SEMA3A: variants seen among roughly 807,000 people sequenced by gnomAD.
SEMA3A encodes semaphorin 3A.
In SEMA3A, 29 loss-of-function variants were observed where a neutral mutation model predicts 97.9. The observed-to-expected ratio is 0.30, with a 90% CI of 0.22 to 0.40. The LOEUF is 0.40. Among genes scored for constraint, SEMA3A ranks in the 10% least tolerant of loss-of-function variants. SEMA3A has a pLI of 1.00. For synonymous variants in SEMA3A, 321 were observed against 323.7 expected, an observed-to-expected ratio of 0.99 and a Z score of 0.09; for missense variants, 763 against 951.3, an observed-to-expected ratio of 0.80 and a Z score of 2.60.
chr7:84,045,161 C>T (rs191733312), intron 6 of SEMA3A, among the ~76,000 whole-genome samples: 1 of 151,976 alleles, frequency 6.6e-6, no homozygotes, highest in African/African-American at 2.4e-5. Flanking sequence ...TAATGGAAGA[C>T]AGAAGGAATG....
chr7:84,048,841 G>A (rs984425612), intron 5 of SEMA3A, among the ~76,000 whole-genome samples: 1 of 151,864 alleles, frequency 6.6e-6, no homozygotes, highest in African/African-American at 2.4e-5. Context: ...CCATAATTAT[G>A]ATGTTTATTA....
chr7:84,341,744 ACTGCTTTCTGTTAAAGTGATTTTTAAAG>A (rs1484620969), intron 2 of SEMA3A, among the ~76,000 whole-genome samples: 1 of 151,928 alleles, frequency 6.6e-6, no homozygotes, highest in Non-Finnish European at 1.5e-5. Context: ...TAGTCTCCAC[ACTGCTTTCTGTTAAAGTGATTTTTAAAG>A]CTAGAAATCC....
At chr7:84,424,716 TAA>T (rs1166161039) in intron 1 of SEMA3A, among the ~76,000 whole-genome samples, 15 of 99,084 alleles carry the variant, frequency 1.5e-4, no homozygotes, top group African/African-American at 6.3e-4. Flanking sequence ...ATATAATATA[TAA>T]ATTATTTATA....
rs529835142 is a variant in SEMA3A at position 84,205,068 on chromosome 7, G to C, written c.-82-10400C>G. 1.1e-4 allele frequency among the ~76,000 whole-genome samples: 16 copies of C among 152,272 alleles called. No homozygotes were observed. The South Asian group carries it at 2.5e-3, about 24-fold the overall frequency. ...GTTTTAATAACCTAAGTCACAAACT[G>C]CATGAGTTAGTGAGTATTTACATTT... On this transcript the variant is annotated intron_variant, in intron 3 of 3. Transcript: ENST00000424555.
intron 3 of SEMA3A, among the ~76,000 whole-genome samples, chr7:84,254,668 A>G (rs950100223): frequency 1.8e-4 from 27 of 149,728 alleles, no homozygotes; most frequent in Non-Finnish European, 7.4e-5. Flanking sequence ...AAGTACACAT[A>G]TTTTAACTGC....
At chr7:84,427,515 G>C (rs1228894) in intron 1 of SEMA3A, among the ~76,000 whole-genome samples, 48,323 of 151,030 alleles carry the variant, frequency 0.32, 9,264 homozygotes, top group African/African-American at 0.54. Flanking sequence ...GGAATGGTGG[G>C]AGGAGCCTGT....
chr7:84,052,476 T>C (rs1431597264), intron 5 of SEMA3A, among the ~76,000 whole-genome samples: 2 of 152,198 alleles, frequency 1.3e-5, no homozygotes, highest in Non-Finnish European at 1.5e-5. Context: ...CCATTTCTTC[T>C]GGATTTTCTA....
At chr7:84,224,175 G>A (rs571180863) in intron 3 of SEMA3A, among the ~76,000 whole-genome samples, 1 of 151,668 alleles carries the variant, frequency 6.6e-6, no homozygotes, top group African/African-American at 2.4e-5. Context: ...TAATTTAAAG[G>A]CGACTAATTT....
intron 4 of SEMA3A, among the ~76,000 whole-genome samples, chr7:84,061,813 T>C (rs1443258777): frequency 6.6e-6 from 1 of 152,216 alleles, no homozygotes; most frequent in Non-Finnish European, 1.5e-5. Context: ...AATTCTAATC[T>C]TCTTTCTTTG....
intron 15 of SEMA3A, among the ~76,000 whole-genome samples, chr7:83,970,929 T>C (rs961594051): frequency 2.6e-5 from 4 of 152,180 alleles, no homozygotes; most frequent in African/African-American, 7.2e-5. Flanking sequence ...ATTTTTCTCA[T>C]TGGACTCTAC....
intron 1 of SEMA3A, among the ~76,000 whole-genome samples, chr7:84,148,464 G>C (rs1219427023): frequency 1.3e-5 from 2 of 152,148 alleles, no homozygotes; most frequent in South Asian, 4.2e-4. Context: ...AACGTAGTCC[G>C]GGTACATTGT....
At chr7:84,128,986 T>A (rs1795878960) in intron 3 of SEMA3A, 137 bp downstream of exon 3, 2 of 643,980 alleles carry the variant, frequency 3.1e-6, no homozygotes, top group East Asian at 5.5e-5. Flanking sequence ...CCTAAAGATA[T>A]CTTATTATAT....
intron 1 of SEMA3A, among the ~76,000 whole-genome samples, chr7:84,154,683 A>G: frequency 6.9e-6 from 1 of 144,912 alleles, no homozygotes; most frequent in South Asian, 2.2e-4. Flanking sequence ...CTCAGGGAAA[A>G]AAAAAAACAA....
intron 9 of SEMA3A, among the ~76,000 whole-genome samples, chr7:84,008,794 T>C (rs1462165015): frequency 6.6e-6 from 1 of 152,136 alleles, no homozygotes; most frequent in Non-Finnish European, 1.5e-5. Context: ...ATTACATATA[T>C]CACATGGCAT....
chr7:84,025,115 A>G (rs1791501704), intron 6 of SEMA3A, among the ~76,000 whole-genome samples: 1 of 152,206 alleles, frequency 6.6e-6, no homozygotes. Flanking sequence ...AATAAAAATA[A>G]GTAATGGTAA....
At chr7:84,119,181 C>A (rs1795524418) in intron 3 of SEMA3A, among the ~76,000 whole-genome samples, 2 of 152,106 alleles carry the variant, frequency 1.3e-5, no homozygotes, top group African/African-American at 2.4e-5. Context: ...AAAAAACTAT[C>A]TTTTAGCATT....
chr7:84,476,830 ATTAAG>A (rs1806295923), intron 1 of SEMA3A, among the ~76,000 whole-genome samples: 1 of 152,014 alleles, frequency 6.6e-6, no homozygotes, highest in South Asian at 2.1e-4. Context: ...CTGTGCTGAC[ATTAAG>A]TTGACTATTT....
chr7:84,409,010 G>A (rs1013040718), intron 1 of SEMA3A, among the ~76,000 whole-genome samples: 1 of 150,830 alleles, frequency 6.6e-6, no homozygotes, highest in Non-Finnish European at 1.5e-5. Context: ...AAAACTGCAC[G>A]TTGTGCACAT....
intron 1 of SEMA3A, among the ~76,000 whole-genome samples, chr7:84,396,131 A>C (rs1803725341): frequency 6.6e-6 from 1 of 152,090 alleles, no homozygotes; most frequent in African/African-American, 2.4e-5. Flanking sequence ...AATTTTAAAA[A>C]GAAAGACTAG....
Sources: allele counts gnomAD v4.1 joint callset (sites outside exome capture counted in the v4.1 genomes callset), GRCh38; gene constraint gnomAD v4.1.1; transcripts MANE v1.5; gene names NCBI Gene and HGNC (gene_info 2026-07-23, HGNC 2026-07-21).